ARL13B: variants seen among roughly 807,000 people sequenced by gnomAD.
The protein encoded by ARL13B is ARF like GTPase 13B.
Under a neutral mutation model 56.1 loss-of-function variants are expected in ARL13B, and 36 were observed. That is an observed-to-expected ratio of 0.64 (90% CI 0.49 to 0.85). The LOEUF (loss-of-function observed/expected upper bound fraction) is 0.85. Ranked by LOEUF, ARL13B falls within the 40% of genes least tolerant of loss-of-function variation. The pLI is 0.00. For synonymous variants in ARL13B, 178 were observed against 171.1 expected, an observed-to-expected ratio of 1.04 and a Z score of -0.32; for missense variants, 519 against 507.1, an observed-to-expected ratio of 1.02 and a Z score of -0.23.
At chr3:94,049,653 C>T in intron 8 of ARL13B, 131 bp downstream of exon 8, 1 of 626,328 alleles carries the variant, frequency 1.6e-6, no homozygotes, top group Non-Finnish European at 2.6e-6. Flanking sequence ...GAAGAAGAAT[C>T]TTTTACTCTG....
At chr3:94,041,905 A>C (rs1027054994) in intron 6 of ARL13B, among the ~76,000 whole-genome samples, 4 of 152,098 alleles carry the variant, frequency 2.6e-5, no homozygotes, top group African/African-American at 4.8e-5. Context: ...CTAAAAATAC[A>C]AAAAATTAGC....
At position 94,029,323 on chromosome 3, in the gene ARL13B, TATATATATATA is replaced by T. The variant is rs1559997570; in HGVS notation, c.381-6007_381-5997del. 3.9e-5 allele frequency among the ~76,000 whole-genome samples: 4 copies of T among 101,442 alleles called. 1 individual carries two copies. Among genetic ancestry groups the T allele is most frequent in the Non-Finnish European group, 7.5e-5 (4 of 53,230 alleles). The allele number at this position is 101,442 out of a possible 152,430, so 66.5% of individuals were successfully genotyped here. A position where few individuals can be genotyped will look rare whatever the true frequency, so the allele number is the denominator to read the frequency against. ...AATCATATATATATATATATATATA[TATATATATATA>T]TTTATTTTTTTTTTATTTTTTTTTT... is the stretch of plus-strand genomic sequence containing the variant. On this transcript the variant is annotated intron_variant, in intron 3 of 9. Coordinates refer to ENST00000394222, the MANE Select transcript of ARL13B (RefSeq NM_001174150.2).
intron 8 of ARL13B, 22 bp from the exon 9 acceptor site, chr3:94,050,802 A>T: frequency 6.2e-7 from 1 of 1,605,466 alleles, no homozygotes; most frequent in South Asian, 1.1e-5. Flanking sequence ...AGTGTTTTTT[A>T]AATGTTTTTC....
At chr3:93,981,928 G>T (rs1710242052) in intron 1 of ARL13B, among the ~76,000 whole-genome samples, 1 of 148,178 alleles carries the variant, frequency 6.7e-6, no homozygotes, top group African/African-American at 2.5e-5. Flanking sequence ...CATAGATTCT[G>T]ATTTATTTGC....
At chr3:94,000,477 G>A (rs945055879) in intron 2 of ARL13B, among the ~76,000 whole-genome samples, 4 of 151,628 alleles carry the variant, frequency 2.6e-5, no homozygotes, top group South Asian at 2.1e-4. Flanking sequence ...AATTCTTTGC[G>A]TGGACTGGTC....
chr3:93,994,309 C>T (rs193191217), intron 1 of ARL13B, among the ~76,000 whole-genome samples: 310 of 152,214 alleles, frequency 2.0e-3, no homozygotes, highest in African/African-American at 5.7e-3. Context: ...ATGCATGACT[C>T]ACTCTCTCCT....
intron 3 of ARL13B, among the ~76,000 whole-genome samples, chr3:94,029,143 A>G (rs892171967): frequency 4.0e-5 from 6 of 150,958 alleles, no homozygotes; most frequent in Non-Finnish European, 7.4e-5. Flanking sequence ...TTTTGTCAAT[A>G]TAACAACTCA....
chr3:94,000,303 C>G (rs1006029340), intron 2 of ARL13B, among the ~76,000 whole-genome samples: 4 of 152,138 alleles, frequency 2.6e-5, no homozygotes, highest in African/African-American at 9.7e-5. Context: ...TTTAACAACA[C>G]ATCACTGGCT....
intron 2 of ARL13B, among the ~76,000 whole-genome samples, chr3:93,996,209 C>T (rs899241827): frequency 2.0e-5 from 3 of 152,076 alleles, no homozygotes; most frequent in African/African-American, 7.2e-5. Flanking sequence ...TATCTGTATT[C>T]TAGACAATAG....
intron 3 of ARL13B, among the ~76,000 whole-genome samples, chr3:94,029,284 G>T (rs1401449488): frequency 3.5e-5 from 4 of 113,912 alleles, no homozygotes; most frequent in Admixed American, 3.1e-4. Context: ...GAAGGAAATT[G>T]CTGTATCTAT....
intron 3 of ARL13B, among the ~76,000 whole-genome samples, chr3:94,016,111 TGATATA>T (rs1195060894): frequency 4.6e-5 from 7 of 152,090 alleles, no homozygotes; most frequent in East Asian, 1.9e-4. Context: ...TTATATTTAA[TGATATA>T]GATATATATG....
chr3:94,015,250 T>C (rs1309463998), intron 3 of ARL13B: 1 of 1,548,588 alleles, frequency 6.5e-7, no homozygotes, highest in Admixed American at 2.2e-5. Flanking sequence ...CTGCTTTAGT[T>C]CTTGAAGTCG....
chr3:94,036,650 T>C lies in ARL13B; in HGVS notation c.585T>C (p.Asp195=). Residue 195 remains aspartate (D), a synonymous_variant, in exon 5 of 10, where the codon GAT becomes GAC. Coordinates refer to ENST00000394222, the MANE Select transcript of ARL13B (RefSeq NM_001174150.2). ...TACATGTTATTGCAAGAGACTTTGATGCCTTAAATGAACGCATCCAAAAAG... is the reference window on the plus strand; with the variant it reads ...TACATGTTATTGCAAGAGACTTTGACGCCTTAAATGAACGCATCCAAAAAG... ...WLLHVIARDF[D]ALNERIQKET... 1 of 1,614,130 alleles carries C rather than the reference T, an allele frequency of 6.2e-7. No individual in the cohort carries two copies. Among genetic ancestry groups the C allele is most frequent in the African/African-American group, 1.3e-5 (1 of 75,024 alleles).
chr3:94,024,492 C>G (rs1006262990), intron 3 of ARL13B, among the ~76,000 whole-genome samples: 1 of 152,140 alleles, frequency 6.6e-6, no homozygotes, highest in African/African-American at 2.4e-5. Flanking sequence ...ACATCTTGAA[C>G]TTTCTCTTTG....
At chr3:94,007,365 C>G (rs2076152463) in intron 3 of ARL13B, among the ~76,000 whole-genome samples, 2 of 152,230 alleles carry the variant, frequency 1.3e-5, no homozygotes, top group South Asian at 4.1e-4. Context: ...CTTGCTCCTA[C>G]ACACAAGCCT....
At chr3:94,014,958 G>A (rs1241211811) in intron 3 of ARL13B, 2 of 1,613,910 alleles carry the variant, frequency 1.2e-6, no homozygotes, top group Non-Finnish European at 1.7e-6. Context: ...TTCTGTTGAT[G>A]TATTCTGCCT....
intron 2 of ARL13B, among the ~76,000 whole-genome samples, chr3:93,996,942 C>T (rs2075978161): frequency 6.6e-6 from 1 of 152,146 alleles, no homozygotes; most frequent in Non-Finnish European, 1.5e-5. Flanking sequence ...ACATTGCCCC[C>T]TGTCAGATCA....
intron 2 of ARL13B, 85 bp from the exon 3 acceptor site, chr3:94,003,574 C>T (rs2076086900): frequency 6.9e-7 from 1 of 1,458,314 alleles, no homozygotes; most frequent in Non-Finnish European, 9.5e-7. Context: ...AAATATTTCA[C>T]TTGGGTGCTA....
chr3:94,016,888 G>A (rs372297281), intron 3 of ARL13B, among the ~76,000 whole-genome samples: 45 of 152,088 alleles, frequency 3.0e-4, no homozygotes, highest in Non-Finnish European at 4.4e-4. Context: ...CTCGTGATCC[G>A]CCCACCTTGG....
Sources: gnomAD v4.1 joint callset for allele counts (sites outside exome capture counted in the v4.1 genomes callset) on GRCh38, gnomAD v4.1.1 for gene constraint, MANE v1.5 for transcripts, NCBI Gene and HGNC (gene_info 2026-07-23, HGNC 2026-07-21) for gene names.